MAPK14: variants seen among roughly 807,000 people sequenced by gnomAD.
MAPK14 encodes mitogen-activated protein kinase 14, also known as CSAID-binding protein.
MAPK14 carries 16 observed loss-of-function variants against 49.6 expected under a neutral mutation model. That is an observed-to-expected ratio of 0.32 (90% confidence interval 0.22 to 0.49). The LOEUF (loss-of-function observed/expected upper bound fraction) is 0.49, where lower values mean the gene tolerates loss of function less well. MAPK14 is among the 20% of genes least tolerant of loss of function. The probability of loss-of-function intolerance (pLI) is 0.99; values close to 1 mark genes in which losing one functional copy is unlikely to be tolerated. For synonymous variants in MAPK14, 142 were observed against 158.0 expected (o/e 0.90, Z 0.76); for missense variants, 200 against 441.2 (o/e 0.45, Z 4.90).
intron 8 of MAPK14, among the ~76,000 whole-genome samples, chr6:36,087,138 AC>A (rs1317352581): frequency 3.3e-5 from 5 of 152,200 alleles, no homozygotes; most frequent in African/African-American, 4.8e-5. Flanking sequence ...TGTTGATGGA[AC>A]ATACCTCAAA....
chr6:36,058,882 C>CTTTT (rs70975128), intron 2 of MAPK14, among the ~76,000 whole-genome samples: 5 of 128,424 alleles, frequency 3.9e-5, no homozygotes, highest in Non-Finnish European at 8.4e-5. Context: ...GATCCTGACT[C>CTTTT]TTTTTTTTTT....
chr6:36,052,063 T>C (rs149661893), intron 1 of MAPK14, among the ~76,000 whole-genome samples: 5 of 152,334 alleles, frequency 3.3e-5, no homozygotes, highest in African/African-American at 9.6e-5. Flanking sequence ...TTAGTCATAG[T>C]ATTTTCATCA....
At chr6:36,101,277 A>C (rs1463601734) in intron 9 of MAPK14, among the ~76,000 whole-genome samples, 2 of 152,026 alleles carry the variant, frequency 1.3e-5, no homozygotes, top group Non-Finnish European at 2.9e-5. Flanking sequence ...GCAGCTCTAC[A>C]AAAAAATTTA....
At chr6:36,104,687 C>T (rs189009362) in intron 10 of MAPK14, among the ~76,000 whole-genome samples, 5 of 152,218 alleles carry the variant, frequency 3.3e-5, no homozygotes, top group South Asian at 2.1e-4. Flanking sequence ...GCACCCAGCC[C>T]GTCGTGTTCT....
chr6:36,114,064 G>A (rs1456313980), downstream of MAPK14, among the ~76,000 whole-genome samples: 1 of 152,224 alleles, frequency 6.6e-6, no homozygotes, highest in Non-Finnish European at 1.5e-5. Flanking sequence ...TGTTGTGGAA[G>A]CTGTCCTGTG....
intron 1 of MAPK14, among the ~76,000 whole-genome samples, chr6:36,046,571 A>T (rs1358794461): frequency 2.6e-5 from 4 of 152,210 alleles, no homozygotes. Flanking sequence ...CATCCTCAAG[A>T]TTATATAGCT....
chr6:36,073,874 G>A (rs1562128494), intron 5 of MAPK14, among the ~76,000 whole-genome samples, 154 bp downstream of exon 5: 1 of 152,226 alleles, frequency 6.6e-6, no homozygotes, highest in Non-Finnish European at 1.5e-5. Context: ...GAAAGAAGAT[G>A]TGTAGTTTTT....
chr6:36,077,200 T>G (rs1484243644), intron 8 of MAPK14, among the ~76,000 whole-genome samples: 1 of 152,182 alleles, frequency 6.6e-6, no homozygotes, highest in South Asian at 2.1e-4. Context: ...CTGTCTAGTT[T>G]ATGGTTTATT....
chr6:36,093,913 G>T (rs1765347818), intron 8 of MAPK14, among the ~76,000 whole-genome samples: 1 of 152,102 alleles, frequency 6.6e-6, no homozygotes, highest in Non-Finnish European at 1.5e-5. Flanking sequence ...ATCTTGTGGT[G>T]GCTACCCAGT....
At position 36,028,835 on chromosome 6, in the gene MAPK14, C is replaced by T. The variant is rs1762421441; in HGVS notation, c.116+562C>T. Among the ~76,000 whole-genome samples the T allele has an allele frequency of 8.0e-6, 1 of 124,862 alleles. No individual in the cohort carries two copies. Among genetic ancestry groups the T allele is most frequent in the South Asian group, 2.9e-4 (1 of 3,476 alleles). 81.9% of individuals were successfully genotyped at this position (124,862 alleles called of 152,430 possible). A position where few individuals can be genotyped will look rare whatever the true frequency, so the allele number is the denominator to read the frequency against. ...TTTCAAAACTCTGTCGAAATCCCAT[C>T]TTGAAAAGCGTTCTTTTTGAATTCG... On this transcript the variant is annotated intron_variant, in intron 1 of 11. Coordinates refer to ENST00000229794, the MANE Select transcript of MAPK14 (RefSeq NM_139012.3). The surrounding 1 kb of genome is among the most constrained non-coding windows in gnomAD (Gnocchi z 5.1).
At chr6:36,059,737 C>T (rs1763733943) in intron 3 of MAPK14, among the ~76,000 whole-genome samples, 1 of 152,086 alleles carries the variant, frequency 6.6e-6, no homozygotes, top group African/African-American at 2.4e-5. Flanking sequence ...AGGCTGGACT[C>T]AAGCTCCTGG....
intron 9 of MAPK14, chr6:36,100,395 C>CT: frequency 1.4e-6 from 1 of 707,294 alleles, no homozygotes; most frequent in South Asian, 1.6e-5. Context: ...TGCCTATGTG[C>CT]TATTGCAAGA....
chr6:36,112,396 G>C (rs999626084), downstream of MAPK14, among the ~76,000 whole-genome samples: 2 of 152,194 alleles, frequency 1.3e-5, no homozygotes. Flanking sequence ...ATATGTGGTG[G>C]ACACTGGGGG....
At chr6:36,041,192 A>G (rs1310591584) in intron 1 of MAPK14, among the ~76,000 whole-genome samples, 2 of 151,502 alleles carry the variant, frequency 1.3e-5, no homozygotes, top group Admixed American at 6.6e-5. Flanking sequence ...TAGTGTCACA[A>G]TGTATACATC....
chr6:36,031,456 A>G (rs1762540499), intron 1 of MAPK14, among the ~76,000 whole-genome samples: 1 of 151,984 alleles, frequency 6.6e-6, no homozygotes, highest in Non-Finnish European at 1.5e-5. Flanking sequence ...TCCAAGTTGG[A>G]GTGCAGTGGC....
At chr6:36,115,590 G>A (rs770833829), downstream of MAPK14, among the ~76,000 whole-genome samples, 3 of 151,706 alleles carry the variant, frequency 2.0e-5, no homozygotes, top group Non-Finnish European at 4.4e-5. Context: ...TTTAGGATGA[G>A]CCTGGCCAAC....
At chr6:36,054,455 A>T (rs1013846370) in intron 2 of MAPK14, among the ~76,000 whole-genome samples, 5 of 152,200 alleles carry the variant, frequency 3.3e-5, no homozygotes, top group Non-Finnish European at 7.3e-5. Flanking sequence ...ATAGGATTTT[A>T]ATTTCTATAC....
At chr6:36,080,956 T>C (rs946183817) in intron 8 of MAPK14, among the ~76,000 whole-genome samples, 6 of 152,192 alleles carry the variant, frequency 3.9e-5, no homozygotes, top group Non-Finnish European at 7.4e-5. Flanking sequence ...TTTCATCTGC[T>C]TATTGGCCAT....
intron 1 of MAPK14, among the ~76,000 whole-genome samples, chr6:36,029,945 T>C (rs921446053): frequency 7.7e-6 from 1 of 130,220 alleles, no homozygotes; most frequent in Non-Finnish European, 1.6e-5. Flanking sequence ...ATACATTCAG[T>C]ATATACATAT....
Sources: gnomAD v4.1 joint callset for allele counts (sites outside exome capture counted in the v4.1 genomes callset) on GRCh38, gnomAD v4.1.1 for gene constraint, Gnocchi (gnomAD v3.1) non-coding constraint, MANE v1.5 for transcripts, NCBI Gene and HGNC (gene_info 2026-07-23, HGNC 2026-07-21) for gene names.